The following SH3PXD2A variants were observed in gnomAD, a reference collection of about 807,000 sequenced individuals.
The protein encoded by SH3PXD2A is SH3 and PX domains 2A.
A neutral mutation model predicts 115.2 loss-of-function variants in SH3PXD2A; 32 were observed. That is an observed-to-expected ratio of 0.28 (90% CI 0.21 to 0.37). SH3PXD2A has a LOEUF of 0.37. Ranked by LOEUF, SH3PXD2A falls within the 10% of genes least tolerant of loss-of-function variation. The pLI is 1.00. For missense variants in SH3PXD2A, 1,328 were observed against 1,498.7 expected, an observed-to-expected ratio of 0.89 and a Z score of 1.88; for synonymous variants, 610 against 629.1, an observed-to-expected ratio of 0.97 and a Z score of 0.45.
At chr10:103,789,408 C>A (rs1013519027) in intron 2 of SH3PXD2A, among the ~76,000 whole-genome samples, 1 of 152,206 alleles carries the variant, frequency 6.6e-6, no homozygotes, top group Admixed American at 6.5e-5. Flanking sequence ...GTCCCCAGCA[C>A]CATGCATGGA....
chr10:103,725,882 CAAAAT>C (rs1441813370), intron 4 of SH3PXD2A, among the ~76,000 whole-genome samples: 1 of 151,496 alleles, frequency 6.6e-6, no homozygotes, highest in Non-Finnish European at 1.5e-5. Flanking sequence ...TAAAATAAAA[CAAAAT>C]AAAATAAAAA....
chr10:103,790,215 T>C (rs1447778926), intron 2 of SH3PXD2A, among the ~76,000 whole-genome samples: 3 of 151,220 alleles, frequency 2.0e-5, no homozygotes, highest in Non-Finnish European at 2.9e-5. Context: ...AGAGCAGTGG[T>C]GCGATCTCGG....
rs896339470 is a variant in SH3PXD2A at position 103,803,953 on chromosome 10, G to A, written c.73-2591C>T. On this transcript the variant is annotated intron_variant, in intron 1 of 14. Transcript: ENST00000369774. Reference sequence around the variant, plus strand: ...AGACAACTCTAAGTCGGGGACGAGGGGCTTCCAGGTCATAGGTGGATTTAA... The same window carrying A: ...AGACAACTCTAAGTCGGGGACGAGGAGCTTCCAGGTCATAGGTGGATTTAA... Among the ~76,000 whole-genome samples, 3 of 152,130 alleles carry A rather than the reference G, an allele frequency of 2.0e-5. No homozygotes were observed. The East Asian group carries it at 5.8e-4, about 29-fold the overall frequency.
chr10:103,675,520 TAC>T (rs1368317424), intron 6 of SH3PXD2A, among the ~76,000 whole-genome samples: 3 of 152,042 alleles, frequency 2.0e-5, no homozygotes, highest in Non-Finnish European at 4.4e-5. Flanking sequence ...TTCTTGGTGG[TAC>T]CCCCACAGGC....
chr10:103,836,311 C>A (rs1332691657), intron 1 of SH3PXD2A, among the ~76,000 whole-genome samples: 1 of 152,074 alleles, frequency 6.6e-6, no homozygotes, highest in African/African-American at 2.4e-5. Flanking sequence ...ATTACACACA[C>A]ACACATCCTC....
In SH3PXD2A at chr10:103,756,627, C is replaced by G. The variant is rs1246656995; in HGVS notation, c.229+10467G>C. On this transcript the variant is annotated intron_variant, in intron 3 of 14. Coordinates refer to ENST00000369774, the MANE Select transcript of SH3PXD2A (RefSeq NM_001394015.1). This position sits in a 1 kb window ranked among gnomAD's most constrained non-coding sequence, Gnocchi z 4.4. ...GGAGGAAGTCCTTTCCCTTCACCCCCACGGATGCAGCCCACAGGCAGGAGT... is the reference window on the plus strand; with the variant it reads ...GGAGGAAGTCCTTTCCCTTCACCCCGACGGATGCAGCCCACAGGCAGGAGT... Among the ~76,000 whole-genome samples the G allele has an allele frequency of 6.6e-6, 1 of 152,144 alleles. No individual in the cohort carries two copies. The highest frequency in any genetic ancestry group is 6.5e-5 in the Admixed American group (1 of 15,286).
chr10:103,598,004 TTGTC>T lies in SH3PXD2A; in HGVS notation c.*3808_*3811del, dbSNP rs950073848. ...AAAATAATGCCTGACTGGAATTCCC[TTGTC>T]TTTTTTCCTTAGATGATAAAAGTAG... is the stretch of plus-strand genomic sequence containing the variant. On this transcript the variant is annotated 3_prime_UTR_variant, in exon 15 of 15. Transcript: ENST00000369774. 22 of 152,612 alleles carry T rather than the reference TTGTC, an allele frequency of 1.4e-4. No homozygotes were observed. The highest frequency in any genetic ancestry group is 1.4e-3 in the Admixed American group (22 of 15,288). 9.5% of individuals were successfully genotyped at this position (152,612 alleles called of 1,614,324 possible).
chr10:103,842,444 G>A (rs7916102), intron 1 of SH3PXD2A, among the ~76,000 whole-genome samples: 132,593 of 152,184 alleles, frequency 0.87, 58,901 homozygotes, highest in East Asian at 0.99. Flanking sequence ...ATATGCAATA[G>A]ATTATTGTTA....
intron 6 of SH3PXD2A, among the ~76,000 whole-genome samples, chr10:103,682,441 T>A (rs948645906): frequency 6.6e-6 from 1 of 152,166 alleles, no homozygotes; most frequent in East Asian, 1.9e-4. Flanking sequence ...CCCAGAGCCA[T>A]GCAAATAAAA....
intron 2 of SH3PXD2A, among the ~76,000 whole-genome samples, chr10:103,783,136 G>A (rs1019622309): frequency 6.6e-6 from 1 of 152,190 alleles, no homozygotes; most frequent in Admixed American, 6.5e-5. Context: ...GTGACAGGAG[G>A]GTGACAGAGA....
chr10:103,662,597 C>T (rs2037329632), intron 7 of SH3PXD2A, among the ~76,000 whole-genome samples: 1 of 150,562 alleles, frequency 6.6e-6, no homozygotes, highest in Non-Finnish European at 1.5e-5. Context: ...GACGGGGTTT[C>T]ACCTTGTTAG....
chr10:103,613,142 G>A lies in SH3PXD2A; in HGVS notation c.969C>T (p.Ala323=), dbSNP rs769867726. ...GWAPASYLKK[A]KDDLPTRKKN... ...TCTTCCGGGTTGGCAGGTCATCCTT[G>A]GCCTTCTTCAGGTAGGATGCTGGCG... The change falls in exon 12 of 15, where the codon GCC becomes GCT. Residue 323 remains alanine (A), a synonymous_variant. Transcript: ENST00000369774. The A allele has an allele frequency of 3.7e-6, 6 of 1,612,202 alleles. No homozygotes were observed. Among genetic ancestry groups the A allele is most frequent in the South Asian group, 3.3e-5 (3 of 90,646 alleles).
Position 103,601,943 on chromosome 10 carries a change from A to C in SH3PXD2A, c.3275T>G (p.Phe1092Cys). The part of the protein sequence containing the change: ...DYEGDEETAG[F>C]QEGVSMEVLE... ...AACCTCCATGGACACCCCCTCCTGGAAGCCTGCTGTCTCCTCATCCCCCTC... is the reference window on the plus strand; with the variant it reads ...AACCTCCATGGACACCCCCTCCTGGCAGCCTGCTGTCTCCTCATCCCCCTC... The change falls in exon 15 of 15, where the codon TTC becomes TGC. Residue 1092 changes from phenylalanine to cysteine, a missense_variant. Phe to Cys is a radical substitution (Grantham distance 205, BLOSUM62 -2). Transcript: ENST00000369774. 6.2e-7 allele frequency: 1 copy of C among 1,614,014 alleles called. No homozygotes were observed. Among genetic ancestry groups the C allele is most frequent in the Non-Finnish European group, 8.5e-7 (1 of 1,179,998 alleles).
chr10:103,817,530 A>G (rs2039336867), intron 1 of SH3PXD2A, among the ~76,000 whole-genome samples: 1 of 152,078 alleles, frequency 6.6e-6, no homozygotes, highest in South Asian at 2.1e-4. Context: ...TAGTAGAGAC[A>G]TGGTTTTGCC....
intron 1 of SH3PXD2A, among the ~76,000 whole-genome samples, chr10:103,843,107 C>T (rs2039616152): frequency 6.6e-6 from 1 of 152,180 alleles, no homozygotes; most frequent in Admixed American, 6.5e-5. Context: ...ATATGAGTAA[C>T]AACCATATGG....
intron 1 of SH3PXD2A, among the ~76,000 whole-genome samples, chr10:103,854,427 T>A (rs1040637180): frequency 5.3e-5 from 8 of 152,034 alleles, no homozygotes; most frequent in African/African-American, 1.9e-4. Flanking sequence ...AACTGTCACA[T>A]AGGCTCTGGA....
intron 7 of SH3PXD2A, among the ~76,000 whole-genome samples, chr10:103,662,341 C>CG (rs1196791691): frequency 0.14 from 1,512 of 10,460 alleles, 71 homozygotes; most frequent in Middle Eastern, 0.38. Flanking sequence ...CCATTATTGG[C>CG]GGGGGGGGGG....
At chr10:103,731,073 A>G (rs527966527) in intron 4 of SH3PXD2A, among the ~76,000 whole-genome samples, 1 of 151,478 alleles carries the variant, frequency 6.6e-6, no homozygotes, top group Non-Finnish European at 1.5e-5. Flanking sequence ...AGGCCCCAGC[A>G]GCACTTGGAA....
Position 103,752,015 on chromosome 10 carries a change from C to T in SH3PXD2A, c.229+15079G>A, listed in dbSNP as rs369274540. ...TTCCTACTAACCCTAGCTGATTCCC[C>T]GCCTCCCAAACCTAGAGAGGGGAGG... On this transcript the variant is annotated intron_variant, in intron 3 of 14. Coordinates refer to ENST00000369774, the MANE Select transcript of SH3PXD2A (RefSeq NM_001394015.1). Among the ~76,000 whole-genome samples the T allele has an allele frequency of 1.2e-4, 19 of 152,284 alleles. No homozygotes were observed. The East Asian group carries it at 3.3e-3, about 26-fold the overall frequency.
Sources: gnomAD v4.1 joint callset for allele counts (sites outside exome capture counted in the v4.1 genomes callset) on GRCh38, gnomAD v4.1.1 for gene constraint, Gnocchi (gnomAD v3.1) non-coding constraint, MANE v1.5 for transcripts, NCBI Gene and HGNC (gene_info 2026-07-23, HGNC 2026-07-21) for gene names.